The following TRPM3 variants were observed in gnomAD, a reference collection of about 807,000 sequenced individuals.
The protein encoded by TRPM3 is long transient receptor potential channel 3.
Under a neutral mutation model 181.2 loss-of-function variants are expected in TRPM3, and 77 were observed. The ratio of observed to expected loss-of-function variants is 0.42; its 90% CI spans 0.35 to 0.51. The LOEUF (loss-of-function observed/expected upper bound fraction) is 0.51. Ranked by LOEUF, TRPM3 falls within the 20% of genes least tolerant of loss-of-function variation. TRPM3 has a pLI of 0.01. For synonymous variants in TRPM3, 745 were observed against 796.4 expected (o/e 0.94, Z 1.09); for missense variants, 1,759 against 2,196.7 (o/e 0.80, Z 3.98).
chr9:70,988,699 T>G (rs538592973), intron 1 of TRPM3, among the ~76,000 whole-genome samples: 1 of 152,220 alleles, frequency 6.6e-6, no homozygotes, highest in East Asian at 1.9e-4. Context: ...TCTAATCACA[T>G]GAGCCCCGTA....
intron 1 of TRPM3, among the ~76,000 whole-genome samples, chr9:71,111,296 C>T (rs909703699): frequency 7.9e-5 from 12 of 152,110 alleles, no homozygotes; most frequent in Non-Finnish European, 1.6e-4. Flanking sequence ...CCCTTCCTAT[C>T]ACTAGGAAGT....
At chr9:70,929,140 C>T (rs1036183738) in intron 1 of TRPM3, among the ~76,000 whole-genome samples, 4 of 151,484 alleles carry the variant, frequency 2.6e-5, no homozygotes, top group Admixed American at 2.6e-4. Context: ...CAGTTGCTGG[C>T]TAATTACAAT....
chr9:71,120,726 A>C (rs1031489542), intron 1 of TRPM3, among the ~76,000 whole-genome samples: 7 of 152,178 alleles, frequency 4.6e-5, no homozygotes, highest in African/African-American at 1.4e-4. Flanking sequence ...ACTAATGAGG[A>C]GAATCCTTTG....
At chr9:70,934,913 A>T (rs1245787383) in intron 1 of TRPM3, among the ~76,000 whole-genome samples, 6 of 149,082 alleles carry the variant, frequency 4.0e-5, no homozygotes, top group Admixed American at 2.0e-4. Context: ...ATGATTGGGT[A>T]TTCTTGTTCT....
chr9:71,021,584 T>G (rs1299630684), intron 1 of TRPM3, among the ~76,000 whole-genome samples: 1 of 152,238 alleles, frequency 6.6e-6, no homozygotes, highest in Non-Finnish European at 1.5e-5. Context: ...CTATTGACCT[T>G]CAACTTTTAA....
At chr9:70,549,727 C>A in intron 24 of TRPM3, 53 bp from the exon 25 acceptor site, 1 of 1,542,002 alleles carries the variant, frequency 6.5e-7, no homozygotes, top group South Asian at 1.2e-5. Context: ...AAAGCGATGG[C>A]ATCTGATTTG....
At chr9:71,412,453 C>T (rs889089275) in intron 1 of TRPM3, among the ~76,000 whole-genome samples, 3 of 152,168 alleles carry the variant, frequency 2.0e-5, no homozygotes, top group Non-Finnish European at 4.4e-5. Context: ...TATGAACACA[C>T]ACTTCTCAAA....
intron 1 of TRPM3, among the ~76,000 whole-genome samples, chr9:71,189,553 C>T (rs1049732658): frequency 1.3e-5 from 2 of 151,740 alleles, no homozygotes; most frequent in African/African-American, 2.4e-5. Flanking sequence ...AATCCCATCA[C>T]TCCCACGCTC....
At chr9:70,922,881 A>G (rs1426700050) in intron 1 of TRPM3, among the ~76,000 whole-genome samples, 2 of 152,200 alleles carry the variant, frequency 1.3e-5, no homozygotes, top group Non-Finnish European at 2.9e-5. Flanking sequence ...AGCATGTTAT[A>G]TAGAATGTAA....
intron 1 of TRPM3, among the ~76,000 whole-genome samples, chr9:71,225,414 C>T (rs2080535616): frequency 6.6e-6 from 1 of 151,800 alleles, no homozygotes; most frequent in African/African-American, 2.4e-5. Context: ...AAAATAAAGA[C>T]TTTTCCAGAC....
chr9:70,752,372 C>T (rs1249559839), intron 8 of TRPM3, among the ~76,000 whole-genome samples: 1 of 152,124 alleles, frequency 6.6e-6, no homozygotes, highest in East Asian at 1.9e-4. Flanking sequence ...CATGGATCTC[C>T]ACTTCATATC....
At chr9:70,544,081 T>C (rs936809471) in intron 25 of TRPM3, among the ~76,000 whole-genome samples, 5 of 152,192 alleles carry the variant, frequency 3.3e-5, no homozygotes, top group Non-Finnish European at 4.4e-5. Context: ...ATGCTTTCAA[T>C]GGGTTAAAGG....
At chr9:71,381,484 G>A (rs560694962) in intron 1 of TRPM3, among the ~76,000 whole-genome samples, 1 of 152,248 alleles carries the variant, frequency 6.6e-6, no homozygotes, top group Admixed American at 6.5e-5. Flanking sequence ...GTGATTAAGT[G>A]GAATTCTAGG....
At chr9:70,557,507 C>T (rs1373855671) in intron 22 of TRPM3, among the ~76,000 whole-genome samples, 2 of 152,196 alleles carry the variant, frequency 1.3e-5, no homozygotes, top group Non-Finnish European at 2.9e-5. Context: ...TGCTATGACT[C>T]AAGCTTACAG....
At chr9:71,347,921 C>T (rs2091386601) in intron 1 of TRPM3, among the ~76,000 whole-genome samples, 1 of 152,020 alleles carries the variant, frequency 6.6e-6, no homozygotes, top group African/African-American at 2.4e-5. Flanking sequence ...TACACATTCC[C>T]TGCAAATAGG....
chr9:70,887,664 A>G (rs897459127), intron 1 of TRPM3, among the ~76,000 whole-genome samples: 20 of 152,148 alleles, frequency 1.3e-4, no homozygotes, highest in African/African-American at 4.8e-4. Flanking sequence ...CAGTTGAAGG[A>G]ATGAGGCAGC....
chr9:70,895,402 A>G (rs1259174827), intron 1 of TRPM3, among the ~76,000 whole-genome samples: 1 of 152,232 alleles, frequency 6.6e-6, no homozygotes, highest in Non-Finnish European at 1.5e-5. Flanking sequence ...TTGTGCACAC[A>G]TCTGAAATAA....
intron 1 of TRPM3, among the ~76,000 whole-genome samples, chr9:71,434,049 C>G (rs1397327161): frequency 6.6e-6 from 1 of 152,156 alleles, no homozygotes; most frequent in Admixed American, 6.5e-5. Flanking sequence ...GTCCCAGCTA[C>G]TCAGGAGGCT....
intron 5 of TRPM3, among the ~76,000 whole-genome samples, chr9:70,833,171 A>G (rs1399635948): frequency 2.0e-5 from 3 of 152,214 alleles, no homozygotes; most frequent in African/African-American, 7.2e-5. Context: ...TGTGTTGGCT[A>G]CAGAAAGAAA....
Sources: allele counts gnomAD v4.1 joint callset (sites outside exome capture counted in the v4.1 genomes callset), GRCh38; gene constraint gnomAD v4.1.1; transcripts MANE v1.5; gene names NCBI Gene and HGNC (gene_info 2026-07-23, HGNC 2026-07-21).